Variants in ADAM18 observed in about 807,000 individuals in gnomAD.
The protein encoded by ADAM18 is ADAM metallopeptidase domain 18, also known as disintegrin and metalloproteinase domain-containing protein 18.
ADAM18 carries 117 observed loss-of-function variants against 94.4 expected under a neutral mutation model. That is an observed-to-expected ratio of 1.24 (90% CI 1.07 to 1.45). The LOEUF (loss-of-function observed/expected upper bound fraction) is 1.45, where lower values mean the gene tolerates loss of function less well. ADAM18 is among the 40% of genes most tolerant of loss of function. ADAM18 has a pLI of 0.00. For missense variants in ADAM18, 936 were observed against 880.0 expected (o/e 1.06, Z -0.81); for synonymous variants, 327 against 291.6 (o/e 1.12, Z -1.24).
Position 39,729,934 on chromosome 8 carries a change from A to T in ADAM18, c.2214A>T (p.Gly738=). ...TTGTATCAGAAAGCGATGACGTGGG[A>T]CATTAATATTGCACAGAACTTCCAT... ...SSVVSESDDV[G]H Residue 738 remains glycine, a synonymous_variant, in exon 20 of 20, where the codon GGA becomes GGT. Coordinates refer to ENST00000265707, the MANE Select transcript of ADAM18 (RefSeq NM_014237.3). 1 of 1,613,146 alleles carries T rather than the reference A, an allele frequency of 6.2e-7. No individual in the cohort carries two copies. The highest frequency in any genetic ancestry group is 8.5e-7 in the Non-Finnish European group (1 of 1,179,114).
intron 17 of ADAM18, among the ~76,000 whole-genome samples, chr8:39,703,023 G>A (rs1014772345): frequency 6.6e-6 from 1 of 152,152 alleles, no homozygotes; most frequent in Middle Eastern, 3.2e-3. Flanking sequence ...TGTGAAGCAA[G>A]TCAATGTTAA....
At chr8:39,645,050 A>G (rs956492288) in intron 10 of ADAM18, among the ~76,000 whole-genome samples, 2 of 152,164 alleles carry the variant, frequency 1.3e-5, no homozygotes, top group Non-Finnish European at 2.9e-5. Context: ...TCAATGAGAA[A>G]GTGAAATAAA....
chr8:39,619,555 C>T (rs1216210738), intron 6 of ADAM18, among the ~76,000 whole-genome samples: 1 of 138,614 alleles, frequency 7.2e-6, no homozygotes, highest in Non-Finnish European at 1.7e-5. Flanking sequence ...TTAAAAGCAA[C>T]ATGCTCCACA....
intron 17 of ADAM18, among the ~76,000 whole-genome samples, chr8:39,701,231 A>G (rs1329675627): frequency 6.7e-6 from 1 of 150,032 alleles, no homozygotes; most frequent in Non-Finnish European, 1.5e-5. Flanking sequence ...TTTTCTAAAA[A>G]TATATATATT....
At chr8:39,720,978 G>C (rs1254298716) in intron 18 of ADAM18, among the ~76,000 whole-genome samples, 1 of 151,450 alleles carries the variant, frequency 6.6e-6, no homozygotes, top group East Asian at 1.9e-4. Flanking sequence ...CCAAATGTCT[G>C]TCAGAATATC....
chr8:39,584,661 A>C lies in ADAM18; in HGVS notation c.39A>C (p.Arg13Ser). ...LLLALLTELG[R>S]LQAHEGSEGI... Reference sequence around the variant, plus strand: ...TCGCCCTCCTCACTGAGCTTGGAAGACTGCAAGCCCACGAAGGTAAGTCCA... The same window carrying C: ...TCGCCCTCCTCACTGAGCTTGGAAGCCTGCAAGCCCACGAAGGTAAGTCCA... The change falls in exon 1 of 20, where the codon AGA (arginine) becomes AGC (serine). Residue 13 changes from arginine to serine, a missense_variant. By Grantham distance (110) the Arg-to-Ser change is moderately radical. Coordinates refer to ENST00000265707, the MANE Select transcript of ADAM18 (RefSeq NM_014237.3). 6.2e-7 allele frequency: 1 copy of C among 1,613,388 alleles called. No homozygotes were observed. Among genetic ancestry groups the C allele is most frequent in the Non-Finnish European group, 8.5e-7 (1 of 1,180,016 alleles).
chr8:39,720,605 C>T (rs1822718761), intron 18 of ADAM18, among the ~76,000 whole-genome samples: 1 of 151,364 alleles, frequency 6.6e-6, no homozygotes, highest in Admixed American at 6.6e-5. Flanking sequence ...AATGAAAAAA[C>T]TAACACATCA....
chr8:39,718,124 T>C (rs1822631231), intron 18 of ADAM18, among the ~76,000 whole-genome samples: 1 of 151,464 alleles, frequency 6.6e-6, no homozygotes, highest in South Asian at 2.1e-4. Context: ...GGTAAGGATA[T>C]AAAATGGTGC....
chr8:39,708,055 T>C (rs922983788), intron 18 of ADAM18, among the ~76,000 whole-genome samples: 1 of 152,228 alleles, frequency 6.6e-6, no homozygotes. Flanking sequence ...GACTTGGGAA[T>C]GATTCAGGTC....
At chr8:39,607,669 G>C (rs1015726704) in intron 3 of ADAM18, among the ~76,000 whole-genome samples, 1 of 151,316 alleles carries the variant, frequency 6.6e-6, no homozygotes, top group Non-Finnish European at 1.5e-5. Context: ...ACAGACTCCT[G>C]CTCCTGATTT....
chr8:39,725,268 C>T (rs1415717396), intron 19 of ADAM18, among the ~76,000 whole-genome samples: 1 of 152,018 alleles, frequency 6.6e-6, no homozygotes, highest in African/African-American at 2.4e-5. Flanking sequence ...AAACCATCAT[C>T]ACCATCAAGG....
intron 10 of ADAM18, among the ~76,000 whole-genome samples, chr8:39,643,356 G>A (rs1343463966): frequency 6.6e-6 from 1 of 152,054 alleles, no homozygotes; most frequent in East Asian, 1.9e-4. Context: ...CTTTTAAGGA[G>A]ATTTTCCTCC....
At chr8:39,651,574 CTTAATCCATTTAACCTTGAG>C (rs149492738) in intron 12 of ADAM18, among the ~76,000 whole-genome samples, 6,582 of 152,060 alleles carry the variant, frequency 0.043, 482 homozygotes, top group African/African-American at 0.15. Context: ...CTGCACAGCC[CTTAATCCATTTAACCTTGAG>C]TTGACAGCAC....
intron 17 of ADAM18, among the ~76,000 whole-genome samples, chr8:39,704,977 T>C (rs1447279860): frequency 1.3e-5 from 2 of 152,116 alleles, no homozygotes; most frequent in Non-Finnish European, 2.9e-5. Flanking sequence ...AAAATATATA[T>C]GTGAGAAAAA....
chr8:39,678,359 A>G (rs1473639484), intron 15 of ADAM18, among the ~76,000 whole-genome samples: 1 of 152,214 alleles, frequency 6.6e-6, no homozygotes, highest in Non-Finnish European at 1.5e-5. Flanking sequence ...GTGGGACTAA[A>G]GTAGTATCCT....
At chr8:39,632,855 A>G (rs1819967123) in intron 7 of ADAM18, among the ~76,000 whole-genome samples, 1 of 152,084 alleles carries the variant, frequency 6.6e-6, no homozygotes, top group African/African-American at 2.4e-5. Flanking sequence ...GGAAGTTGAG[A>G]TTTTCTTTAA....
At chr8:39,692,834 A>G (rs1027190529) in intron 17 of ADAM18, among the ~76,000 whole-genome samples, 154 bp downstream of exon 17, 1 of 151,716 alleles carries the variant, frequency 6.6e-6, no homozygotes, top group Non-Finnish European at 1.5e-5. Flanking sequence ...TATATAACAT[A>G]TTAAGTGAAT....
intron 6 of ADAM18, among the ~76,000 whole-genome samples, chr8:39,619,663 C>A (rs1245732449): frequency 6.6e-6 from 1 of 151,818 alleles, no homozygotes; most frequent in Non-Finnish European, 1.5e-5. Flanking sequence ...AATGAAATAA[C>A]TATTAGTAAG....
intron 14 of ADAM18, among the ~76,000 whole-genome samples, chr8:39,675,221 C>T (rs1199747337): frequency 1.3e-5 from 2 of 152,160 alleles, no homozygotes; most frequent in African/African-American, 2.4e-5. Flanking sequence ...GAGTGTTTTC[C>T]AACTTGGTTC....
Sources: allele counts gnomAD v4.1 joint callset (sites outside exome capture counted in the v4.1 genomes callset), GRCh38; gene constraint gnomAD v4.1.1; transcripts MANE v1.5; gene names NCBI Gene and HGNC (gene_info 2026-07-23, HGNC 2026-07-21).